Variants in STYXL1 observed in about 807,000 individuals in gnomAD.
STYXL1 encodes the protein serine/threonine/tyrosine interacting like 1.
In STYXL1, 32 loss-of-function variants were observed where a neutral mutation model predicts 36.4. That is an observed-to-expected ratio of 0.88 (90% CI 0.66 to 1.18). STYXL1 has a LOEUF of 1.18. STYXL1 is among the 50% of genes most tolerant of loss of function. STYXL1 has a pLI of 0.00. For missense variants in STYXL1, 354 were observed against 394.1 expected (o/e 0.90, Z 0.86); for synonymous variants, 133 against 144.1 (o/e 0.92, Z 0.55).
chr7:76,014,123 C>A (rs542621353), intron 4 of STYXL1, among the ~76,000 whole-genome samples: 1 of 150,788 alleles, frequency 6.6e-6, no homozygotes, highest in African/African-American at 2.4e-5. Context: ...GGACTACAGG[C>A]GCCCACCATG....
intron 1 of STYXL1, among the ~76,000 whole-genome samples, chr7:76,039,218 G>C (rs1168986151): frequency 2.0e-5 from 3 of 149,302 alleles, no homozygotes; most frequent in Non-Finnish European, 2.9e-5. Context: ...TTACAGGCGT[G>C]AGTCACCGCA....
In STYXL1 at chr7:76,003,818, T is replaced by C; in HGVS notation, c.637A>G (p.Ile213Val). The part of the protein sequence containing the change: ...GDADKLLHIR[I>V]EDSPEAQILP... The stretch of plus-strand genomic sequence containing the variant: ...ATCTGGGCTTCCGGGGAATCTTCTA[T>C]CCGGATGTGCAGAAGCTTGTCAGCA... Residue 213 changes from isoleucine (I) to valine (V), a missense_variant, in exon 7 of 9, where the codon ATA becomes GTA. Transcript: ENST00000359697. 2.5e-6 allele frequency: 4 copies of C among 1,614,172 alleles called. No homozygotes were observed. Among genetic ancestry groups the C allele is most frequent in the Non-Finnish European group, 3.4e-6 (4 of 1,180,034 alleles).
At chr7:76,030,943 C>G (rs1376589282) in intron 1 of STYXL1, among the ~76,000 whole-genome samples, 1 of 150,814 alleles carries the variant, frequency 6.6e-6, no homozygotes, top group Non-Finnish European at 1.5e-5. Flanking sequence ...GGTGGATCAC[C>G]TAAGGTCAGG....
At chr7:76,014,209 A>G (rs1393797924) in intron 4 of STYXL1, among the ~76,000 whole-genome samples, 1 of 152,074 alleles carries the variant, frequency 6.6e-6, no homozygotes, top group Non-Finnish European at 1.5e-5. Flanking sequence ...TCCTCAGCTC[A>G]GGTGATCCTT....
In STYXL1 at chr7:76,023,035, G is replaced by C. The variant is rs374857632; in HGVS notation, c.166-1043C>G. 2.6e-5 allele frequency among the ~76,000 whole-genome samples: 4 copies of C among 152,100 alleles called. No homozygotes were observed. In the East Asian group the frequency reaches 5.8e-4, roughly 22 times the overall value. ...TAACCAGGAGTGTGCACAAAAGAGGGACTTACTGGCAGGTAACACTCCAGG... is the reference window on the plus strand; with the variant it reads ...TAACCAGGAGTGTGCACAAAAGAGGCACTTACTGGCAGGTAACACTCCAGG... On this transcript the variant is annotated intron_variant, in intron 3 of 8. Transcript: ENST00000359697.
rs199522759 is a variant in STYXL1, at chr7:76,022,005, A to AC, written c.166-14_166-13insG. ...ATTCATTATTTTTCTTAAAAAAAAAAACACACACACACAAGAGAGGCCTGT... is the reference window on the plus strand; with the variant it reads ...ATTCATTATTTTTCTTAAAAAAAAAACACACACACACACAAGAGAGGCCTGT... On this transcript the variant is annotated splice_polypyrimidine_tract_variant and intron_variant, in intron 3 of 8. Coordinates refer to ENST00000359697, the MANE Select transcript of STYXL1 (RefSeq NM_001317785.2). 5.9e-3 allele frequency: 9,365 copies of AC among 1,593,616 alleles called. 584 individuals are homozygous for AC. The Admixed American group carries it at 0.13, about 22-fold the overall frequency.
intron 8 of STYXL1, among the ~76,000 whole-genome samples, chr7:75,997,113 G>T (rs912610424): frequency 1.1e-4 from 16 of 152,168 alleles, no homozygotes; most frequent in African/African-American, 3.9e-4. Context: ...AAAGGGAAAG[G>T]CAAGAGTGGT....
At chr7:76,008,519 C>G (rs1792112462) in intron 5 of STYXL1, among the ~76,000 whole-genome samples, 1 of 152,112 alleles carries the variant, frequency 6.6e-6, no homozygotes, top group Non-Finnish European at 1.5e-5. Context: ...CCCAAGCTAC[C>G]AGCTTCGAAA....
chr7:76,003,531 C>G (rs373195875), intron 7 of STYXL1, among the ~76,000 whole-genome samples: 3 of 152,246 alleles, frequency 2.0e-5, no homozygotes, highest in African/African-American at 7.2e-5. Context: ...TTGGGCCCCA[C>G]TGCCCCCGAG....
At chr7:76,003,924 C>A in intron 6 of STYXL1, 69 bp from the exon 7 acceptor site, 1 of 1,447,904 alleles carries the variant, frequency 6.9e-7, no homozygotes. Context: ...GTGGGGTTTT[C>A]ATCACAGCAG....
intron 3 of STYXL1, among the ~76,000 whole-genome samples, chr7:76,028,378 G>GCA (rs1340789884): frequency 6.6e-6 from 1 of 152,142 alleles, no homozygotes; most frequent in African/African-American, 2.4e-5. Flanking sequence ...TTGTGCCACT[G>GCA]CACTCCAGCC....
intron 3 of STYXL1, among the ~76,000 whole-genome samples, chr7:76,023,435 C>T (rs1794311809): frequency 6.6e-6 from 1 of 152,150 alleles, no homozygotes; most frequent in African/African-American, 2.4e-5. Flanking sequence ...GCAGTCACCG[C>T]TCACTGCAGC....
intron 1 of STYXL1, among the ~76,000 whole-genome samples, chr7:76,042,463 G>A (rs1357762694): frequency 4.5e-5 from 6 of 132,786 alleles, no homozygotes; most frequent in Admixed American, 8.7e-5. Context: ...GGAGTACAGC[G>A]GCGCGATCTC....
intron 8 of STYXL1, among the ~76,000 whole-genome samples, chr7:76,000,295 C>T (rs575591553): frequency 2.5e-4 from 38 of 151,820 alleles, no homozygotes; most frequent in South Asian, 4.2e-4. Flanking sequence ...GGGCAACAAC[C>T]GAAGCCACTG....
intron 4 of STYXL1, among the ~76,000 whole-genome samples, chr7:76,016,965 CAA>C (rs1183865230): frequency 6.6e-6 from 1 of 152,138 alleles, no homozygotes; most frequent in African/African-American, 2.4e-5. Context: ...CTGACAACAG[CAA>C]AGACATAGAA....
rs561074449 is a variant in STYXL1 at position 76,012,933 on chromosome 7, C to T, written c.453+809G>A. On this transcript the variant is annotated intron_variant, in intron 5 of 8. Transcript: ENST00000359697. ...AGAGGTGGTCTCGAGCCGCCATGCCCCTGCCTTTCTGACCTTGGTATCGGT... is the reference window on the plus strand; with the variant it reads ...AGAGGTGGTCTCGAGCCGCCATGCCTCTGCCTTTCTGACCTTGGTATCGGT... Among the ~76,000 whole-genome samples the T allele has an allele frequency of 1.3e-3, 193 of 152,306 alleles. 1 individual carries two copies. The highest frequency in any genetic ancestry group is 9.5e-3 in the South Asian group (46 of 4,828).
At chr7:76,015,587 A>G (rs1554573557) in intron 4 of STYXL1, among the ~76,000 whole-genome samples, 1 of 152,244 alleles carries the variant, frequency 6.6e-6, no homozygotes, top group African/African-American at 2.4e-5. Flanking sequence ...AACAGCCTGC[A>G]GAATGGGAGA....
chr7:76,038,012 T>C (rs1005260306), intron 1 of STYXL1, among the ~76,000 whole-genome samples: 6 of 150,212 alleles, frequency 4.0e-5, no homozygotes, highest in African/African-American at 4.9e-5. Context: ...TGATATAAAT[T>C]GCCTAGCAGT....
At chr7:76,047,240 TAG>T (rs1413402182) in intron 1 of STYXL1, among the ~76,000 whole-genome samples, 1 of 152,096 alleles carries the variant, frequency 6.6e-6, no homozygotes, top group African/African-American at 2.4e-5. Context: ...CAGCCTGGGC[TAG>T]AGAGACTCCG....
Sources: gnomAD v4.1 joint callset for allele counts (sites outside exome capture counted in the v4.1 genomes callset) on GRCh38, gnomAD v4.1.1 for gene constraint, MANE v1.5 for transcripts, NCBI Gene and HGNC (gene_info 2026-07-23, HGNC 2026-07-21) for gene names.